Variants in WIPF3 observed in about 807,000 individuals in gnomAD.
WIPF3 encodes WAS/WASL interacting protein family member 3, also known as WAS/WASL-interacting protein family member 3.
In WIPF3, 33 loss-of-function variants were observed where a neutral mutation model predicts 38.9. The observed-to-expected ratio is 0.85, with a 90% CI of 0.64 to 1.14. WIPF3 has a LOEUF of 1.14. Among genes scored for constraint, WIPF3 ranks in the 50% most tolerant of loss-of-function variants. The pLI, the probability that WIPF3 is intolerant of heterozygous loss-of-function variation, is 0.00. For synonymous variants in WIPF3, 324 were observed against 269.3 expected (o/e 1.20, Z -1.99); for missense variants, 711 against 652.5 (o/e 1.09, Z -0.98).
At chr7:29,859,333 C>T (rs937766171) in intron 2 of WIPF3, among the ~76,000 whole-genome samples, 1 of 152,128 alleles carries the variant, frequency 6.6e-6, no homozygotes, top group Non-Finnish European at 1.5e-5. Context: ...CATTCCATGT[C>T]GGGAAGATCA....
In WIPF3 at chr7:29,884,540, C is replaced by A; in HGVS notation, c.1046C>A (p.Pro349His). The A allele has an allele frequency of 6.3e-7, 1 of 1,599,376 alleles. No individual in the cohort carries two copies. The highest frequency in any genetic ancestry group is 8.5e-7 in the Non-Finnish European group (1 of 1,174,416). ...GGTGCGCAGGCCTTGCCCGCCCCGCCTGCCCCTCCGGGCTCCCAGCCGTTC... is the reference window on the plus strand; with the variant it reads ...GGTGCGCAGGCCTTGCCCGCCCCGCATGCCCCTCCGGGCTCCCAGCCGTTC... ...KAGAQALPAPPAPPGSQPFLQ... is the reference protein window; with the variant it reads ...KAGAQALPAPHAPPGSQPFLQ... Residue 349 changes from proline to histidine, a missense_variant, in exon 5 of 9, where the codon CCT becomes CAT. Coordinates refer to ENST00000242140, the MANE Select transcript of WIPF3 (RefSeq NM_001080529.3).
intron 2 of WIPF3, among the ~76,000 whole-genome samples, chr7:29,840,942 G>C (rs532634321): frequency 6.6e-6 from 1 of 152,142 alleles, no homozygotes; most frequent in Non-Finnish European, 1.5e-5. Flanking sequence ...GCACCTGATC[G>C]GATATCAAGG....
At chr7:29,887,627 A>G (rs537541295) in intron 5 of WIPF3, among the ~76,000 whole-genome samples, 1 of 152,304 alleles carries the variant, frequency 6.6e-6, no homozygotes, top group South Asian at 2.1e-4. Context: ...TCCCTCTTCA[A>G]GCCTCCCTCT....
At chr7:29,811,254 T>TATGATGATGATGATG (rs60111327) in intron 1 of WIPF3, among the ~76,000 whole-genome samples, 2 of 148,976 alleles carry the variant, frequency 1.3e-5, no homozygotes, top group Admixed American at 6.7e-5. Flanking sequence ...AATTAGCCAT[T>TATGATGATGATGATG]ATGATGATGA....
intron 2 of WIPF3, among the ~76,000 whole-genome samples, chr7:29,847,890 G>T (rs1038467599): frequency 6.6e-6 from 1 of 152,202 alleles, no homozygotes; most frequent in Non-Finnish European, 1.5e-5. Context: ...TAGCCTTGGG[G>T]GAGAATGGGA....
At chr7:29,864,226 C>G (rs922427368) in intron 2 of WIPF3, among the ~76,000 whole-genome samples, 11 of 152,062 alleles carry the variant, frequency 7.2e-5, no homozygotes, top group Non-Finnish European at 1.0e-4. Flanking sequence ...GAGTTTTTAT[C>G]ATGAATGGAT....
intron 2 of WIPF3, among the ~76,000 whole-genome samples, chr7:29,852,294 GC>G (rs1785114398): frequency 6.6e-6 from 1 of 152,238 alleles, no homozygotes; most frequent in South Asian, 2.1e-4. Flanking sequence ...ACGATGCCTA[GC>G]CTAAAGCTTT....
At position 29,916,590 on chromosome 7, in the gene WIPF3, G is replaced by C. The variant is rs1477064084; in HGVS notation, c.*2074G>C. The C allele has an allele frequency of 6.6e-6, 1 of 152,204 alleles. No individual in the cohort carries two copies. Among genetic ancestry groups the C allele is most frequent in the Non-Finnish European group, 1.5e-5 (1 of 68,108 alleles). 9.4% of individuals were successfully genotyped at this position (152,204 alleles called of 1,614,324 possible). A position where few individuals can be genotyped will look rare whatever the true frequency, so the allele number is the denominator to read the frequency against. On this transcript the variant is annotated 3_prime_UTR_variant, in exon 9 of 9. Coordinates refer to ENST00000242140, the MANE Select transcript of WIPF3 (RefSeq NM_001080529.3). ...TAGCCAGGCATGGTGGCTCACACCT[G>C]TAATCCCAGCAACTTGGGAGGTTCA... is the stretch of plus-strand genomic sequence containing the variant.
At chr7:29,840,052 A>G (rs977575459) in intron 2 of WIPF3, among the ~76,000 whole-genome samples, 2 of 152,184 alleles carry the variant, frequency 1.3e-5, no homozygotes, top group Non-Finnish European at 2.9e-5. Flanking sequence ...CATACCTAAA[A>G]TATTTACAGC....
intron 2 of WIPF3, among the ~76,000 whole-genome samples, chr7:29,862,838 T>A (rs570423397): frequency 6.6e-6 from 1 of 152,082 alleles, no homozygotes; most frequent in Middle Eastern, 3.4e-3. Flanking sequence ...TTCCTCCTTA[T>A]TTTTTTTATC....
At chr7:29,867,544 C>T (rs1406945666) in intron 2 of WIPF3, among the ~76,000 whole-genome samples, 1 of 149,496 alleles carries the variant, frequency 6.7e-6, no homozygotes, top group East Asian at 2.0e-4. Flanking sequence ...CCTGGCTCTG[C>T]CCCCGCCCCC....
intron 8 of WIPF3, among the ~76,000 whole-genome samples, chr7:29,907,053 G>A (rs572025563): frequency 4.5e-4 from 69 of 152,286 alleles, no homozygotes; most frequent in African/African-American, 1.4e-3. Context: ...GAAAGGACAC[G>A]AAACAGTAAC....
chr7:29,816,411 G>GA (rs1443451634), intron 1 of WIPF3, among the ~76,000 whole-genome samples: 2 of 152,118 alleles, frequency 1.3e-5, no homozygotes, highest in African/African-American at 4.8e-5. Context: ...GCTCACTGCA[G>GA]ACTCCATCTC....
chr7:29,834,821 C>T lies in WIPF3; in HGVS notation c.90+7C>T. 6.6e-7 allele frequency: 1 copy of T among 1,517,566 alleles called. No individual in the cohort carries two copies. Among genetic ancestry groups the T allele is most frequent in the Non-Finnish European group, 8.9e-7 (1 of 1,127,554 alleles). 94.0% of individuals were successfully genotyped at this position (1,517,566 alleles called of 1,614,324 possible). On this transcript the variant is annotated splice_region_variant and intron_variant, in intron 2 of 8. Coordinates refer to ENST00000242140, the MANE Select transcript of WIPF3 (RefSeq NM_001080529.3). Reference sequence around the variant, plus strand: ...CCCACCATCAGCACCCCCGGTAAGACCTTTTTTTCTGATTGGTTTACTGTG... The same window carrying T: ...CCCACCATCAGCACCCCCGGTAAGATCTTTTTTTCTGATTGGTTTACTGTG...
At chr7:29,821,567 G>T (rs1784537014) in intron 1 of WIPF3, among the ~76,000 whole-genome samples, 1 of 152,194 alleles carries the variant, frequency 6.6e-6, no homozygotes, top group Admixed American at 6.5e-5. Context: ...GGGATTACAG[G>T]CATAAGCCAC....
At chr7:29,834,864 A>G (rs959619865) in intron 2 of WIPF3, 50 bp downstream of exon 2, 20 of 1,517,834 alleles carry the variant, frequency 1.3e-5, no homozygotes, top group Admixed American at 2.1e-5. Flanking sequence ...AACTGCTTGA[A>G]TACACTTGAG....
chr7:29,894,690 T>G (rs1044752301), intron 7 of WIPF3, among the ~76,000 whole-genome samples: 11 of 152,066 alleles, frequency 7.2e-5, no homozygotes, highest in African/African-American at 2.7e-4. Flanking sequence ...TTCTATCAGA[T>G]GAGTGTGTTC....
chr7:29,853,754 C>T (rs1487777165), intron 2 of WIPF3, among the ~76,000 whole-genome samples: 1 of 152,210 alleles, frequency 6.6e-6, no homozygotes, highest in East Asian at 1.9e-4. Context: ...TAAAATACTA[C>T]CTATCTCATT....
At chr7:29,891,229 TG>T (rs1438454147) in intron 7 of WIPF3, among the ~76,000 whole-genome samples, 1 of 130,434 alleles carries the variant, frequency 7.7e-6, no homozygotes, top group African/African-American at 3.0e-5. Flanking sequence ...TGTGCTCAGG[TG>T]GAGGGGGCGA....
Sources: gnomAD v4.1 joint callset for allele counts (sites outside exome capture counted in the v4.1 genomes callset) on GRCh38, gnomAD v4.1.1 for gene constraint, MANE v1.5 for transcripts, NCBI Gene and HGNC (gene_info 2026-07-23, HGNC 2026-07-21) for gene names.